SEMA3E: variants seen among roughly 807,000 people sequenced by gnomAD.
SEMA3E encodes semaphorin 3E.
SEMA3E carries 49 observed loss-of-function variants against 93.6 expected under a neutral mutation model. That is an observed-to-expected ratio of 0.52 (90% CI 0.42 to 0.66). SEMA3E has a LOEUF of 0.66. SEMA3E is among the 30% of genes least tolerant of loss of function. The probability of loss-of-function intolerance (pLI) is 0.00; values close to 1 mark genes in which losing one functional copy is unlikely to be tolerated. For missense variants in SEMA3E, 906 were observed against 964.8 expected (o/e 0.94, Z 0.81); for synonymous variants, 363 against 330.7 (o/e 1.10, Z -1.06).
chr7:83,574,046 G>A (rs1792348347), intron 1 of SEMA3E, among the ~76,000 whole-genome samples: 1 of 151,916 alleles, frequency 6.6e-6, no homozygotes, highest in African/African-American at 2.4e-5. Context: ...TTTTTTATAT[G>A]CAAATATTAA....
At chr7:83,612,630 A>C (rs1793288280) in intron 1 of SEMA3E, 3 of 152,108 alleles carry the variant, frequency 2.0e-5, no homozygotes, top group Admixed American at 6.6e-5. Context: ...TGATAATTGT[A>C]GGTTCGTCCA....
chr7:83,645,193 A>G (rs1794063832), intron 1 of SEMA3E, among the ~76,000 whole-genome samples: 1 of 152,000 alleles, frequency 6.6e-6, no homozygotes, highest in Admixed American at 6.6e-5. Flanking sequence ...AGATGAATCC[A>G]CCAGGACTTT....
chr7:83,390,479 A>C (rs1787997411), intron 14 of SEMA3E, among the ~76,000 whole-genome samples: 1 of 152,158 alleles, frequency 6.6e-6, no homozygotes, highest in Admixed American at 6.6e-5. Flanking sequence ...TTGGAAGATC[A>C]TTTTAAACAA....
intron 4 of SEMA3E, among the ~76,000 whole-genome samples, chr7:83,457,884 G>A (rs1053635301): frequency 2.0e-5 from 3 of 151,946 alleles, no homozygotes; most frequent in African/African-American, 7.3e-5. Context: ...ATAAATCCCT[G>A]CCTCTTAGCT....
chr7:83,503,862 G>T (rs1378575870), intron 1 of SEMA3E, among the ~76,000 whole-genome samples: 4 of 152,142 alleles, frequency 2.6e-5, no homozygotes, highest in Non-Finnish European at 5.9e-5. Flanking sequence ...TTAATTTGGT[G>T]GCTGACTTGT....
intron 5 of SEMA3E, among the ~76,000 whole-genome samples, chr7:83,413,237 G>A (rs1788479786): frequency 6.6e-6 from 1 of 151,970 alleles, no homozygotes; most frequent in African/African-American, 2.4e-5. Flanking sequence ...TATTATCTGA[G>A]TTTTTATTTA....
chr7:83,468,886 A>G (rs1055242678), intron 3 of SEMA3E, among the ~76,000 whole-genome samples: 2 of 152,244 alleles, frequency 1.3e-5, no homozygotes, highest in Admixed American at 6.5e-5. Context: ...AACAATGTAA[A>G]GTGAAATCTC....
At chr7:83,374,202 G>A (rs932117444) in intron 16 of SEMA3E, among the ~76,000 whole-genome samples, 3 of 65,356 alleles carry the variant, frequency 4.6e-5, no homozygotes, top group South Asian at 8.8e-4. Flanking sequence ...CCAAAACTGC[G>A]TCTCAAAAAA....
chr7:83,537,220 T>C (rs187393826), intron 1 of SEMA3E, among the ~76,000 whole-genome samples: 137 of 152,288 alleles, frequency 9.0e-4, no homozygotes, highest in African/African-American at 3.2e-3. Flanking sequence ...TACATATCTG[T>C]TGTTTGAGGC....
chr7:83,557,270 T>C (rs1791916986), intron 1 of SEMA3E, among the ~76,000 whole-genome samples: 1 of 151,708 alleles, frequency 6.6e-6, no homozygotes, highest in African/African-American at 2.4e-5. Flanking sequence ...CCTTACTAAT[T>C]TTTACTGTAC....
intron 13 of SEMA3E, among the ~76,000 whole-genome samples, chr7:83,393,849 ATT>A (rs1474436247): frequency 2.0e-5 from 3 of 152,168 alleles, no homozygotes; most frequent in Non-Finnish European, 4.4e-5. Context: ...TTGGATTATC[ATT>A]GTTACCATTG....
chr7:83,509,311 A>G (rs914907808), intron 1 of SEMA3E, among the ~76,000 whole-genome samples: 3 of 152,174 alleles, frequency 2.0e-5, no homozygotes, highest in Non-Finnish European at 4.4e-5. Flanking sequence ...GGGGGAAAAC[A>G]TGAAGGTTGA....
intron 4 of SEMA3E, among the ~76,000 whole-genome samples, chr7:83,451,684 T>C (rs1027789093): frequency 1.3e-5 from 2 of 152,208 alleles, no homozygotes; most frequent in Non-Finnish European, 2.9e-5. Flanking sequence ...ACATGTCCCA[T>C]GTGGAAAGTG....
At chr7:83,610,775 C>A (rs773299691) in intron 1 of SEMA3E, among the ~76,000 whole-genome samples, 2 of 152,024 alleles carry the variant, frequency 1.3e-5, no homozygotes, top group South Asian at 4.1e-4. Flanking sequence ...GGGAGAAGGT[C>A]ATCCACAAGC....
intron 1 of SEMA3E, among the ~76,000 whole-genome samples, chr7:83,565,273 C>T (rs952464448): frequency 4.6e-5 from 7 of 152,090 alleles, no homozygotes; most frequent in African/African-American, 1.4e-4. Context: ...AAGCCATCAT[C>T]CTAGCAAACT....
intron 4 of SEMA3E, among the ~76,000 whole-genome samples, chr7:83,463,038 A>T (rs1480014604): frequency 6.8e-6 from 1 of 147,446 alleles, no homozygotes; most frequent in African/African-American, 2.5e-5. Flanking sequence ...AGCTTCACAG[A>T]CAGCCCCCGT....
chr7:83,391,968 T>C (rs1265911596), intron 14 of SEMA3E, among the ~76,000 whole-genome samples: 1 of 152,142 alleles, frequency 6.6e-6, no homozygotes, highest in Non-Finnish European at 1.5e-5. Flanking sequence ...ATGGCTTGAG[T>C]GAAGAGATAT....
At chr7:83,379,514 CTT>C (rs973837662) in intron 16 of SEMA3E, among the ~76,000 whole-genome samples, 9 of 151,878 alleles carry the variant, frequency 5.9e-5, no homozygotes, top group African/African-American at 1.4e-4. Flanking sequence ...ATAATTACAA[CTT>C]ATTTTCTACT....
At chr7:83,594,954 G>GAAA (rs375713003) in intron 1 of SEMA3E, among the ~76,000 whole-genome samples, 3 of 139,016 alleles carry the variant, frequency 2.2e-5, no homozygotes, top group Non-Finnish European at 1.6e-5. Context: ...GAACTTCTGG[G>GAAA]AAAAAAAAAA....
Sources: allele counts gnomAD v4.1 joint callset (sites outside exome capture counted in the v4.1 genomes callset), GRCh38; gene constraint gnomAD v4.1.1; transcripts MANE v1.5; gene names NCBI Gene and HGNC (gene_info 2026-07-23, HGNC 2026-07-21).